SLC30A4: variants seen among roughly 807,000 people sequenced by gnomAD.
SLC30A4 encodes the protein probable proton-coupled zinc antiporter SLC30A4.
A neutral mutation model predicts 41.7 loss-of-function variants in SLC30A4; 20 were observed. That is an observed-to-expected ratio of 0.48 (90% CI 0.34 to 0.70). The LOEUF (loss-of-function observed/expected upper bound fraction) is 0.70. Ranked by LOEUF, SLC30A4 falls within the 30% of genes least tolerant of loss-of-function variation. The pLI is 0.01. For missense variants in SLC30A4, 441 were observed against 529.3 expected, an observed-to-expected ratio of 0.83 and a Z score of 1.64; for synonymous variants, 181 against 195.9, an observed-to-expected ratio of 0.92 and a Z score of 0.64.
intron 6 of SLC30A4, 52 bp from the exon 7 acceptor site, chr15:45,486,797 C>A (rs761737207): frequency 5.8e-6 from 6 of 1,042,780 alleles, no homozygotes; most frequent in Non-Finnish European, 8.1e-6. Flanking sequence ...AATAAAGGAA[C>A]TTTTACATTA....
At chr15:45,521,259 A>G (rs1242760345) in intron 2 of SLC30A4, among the ~76,000 whole-genome samples, 1 of 152,238 alleles carries the variant, frequency 6.6e-6, no homozygotes, top group African/African-American at 2.4e-5. Flanking sequence ...GATTGTTCGT[A>G]TAATTAAAAA....
At chr15:45,510,333 C>A (rs1892257810) in intron 3 of SLC30A4, among the ~76,000 whole-genome samples, 1 of 151,818 alleles carries the variant, frequency 6.6e-6, no homozygotes, top group South Asian at 2.1e-4. Flanking sequence ...TTTTTTTAGG[C>A]TAAAAAATAA....
At chr15:45,510,990 A>ACC (rs1892275365) in intron 3 of SLC30A4, 148 bp downstream of exon 3, 1 of 616,458 alleles carries the variant, frequency 1.6e-6, no homozygotes, top group Non-Finnish European at 2.8e-6. Flanking sequence ...ACCCTGGAAA[A>ACC]GATGTTTCTG....
At chr15:45,489,168 A>G in intron 4 of SLC30A4, 126 bp from the exon 5 acceptor site, 2 of 720,448 alleles carry the variant, frequency 2.8e-6, no homozygotes, top group Non-Finnish European at 4.6e-6. Flanking sequence ...ACTATTATTT[A>G]TCAGTACTGT....
chr15:45,514,361 CA>C (rs10595522), intron 2 of SLC30A4, among the ~76,000 whole-genome samples: 10,956 of 119,236 alleles, frequency 0.092, 627 homozygotes, highest in East Asian at 0.37. Flanking sequence ...AACTCTGTCT[CA>C]AAAAAAAAAA....
intron 2 of SLC30A4, among the ~76,000 whole-genome samples, chr15:45,511,510 G>C (rs1892290919): frequency 1.3e-5 from 2 of 151,638 alleles, no homozygotes; most frequent in South Asian, 4.2e-4. Flanking sequence ...TTGAGACAGA[G>C]TCTCACTCTG....
At chr15:45,500,291 T>C (rs1197611455) in intron 3 of SLC30A4, among the ~76,000 whole-genome samples, 16 of 152,210 alleles carry the variant, frequency 1.1e-4, no homozygotes, top group Non-Finnish European at 2.1e-4. Context: ...TGTTAGGTAC[T>C]TTATTTTCCT....
rs1227151299 is a variant in SLC30A4 at position 45,509,376 on chromosome 15, C to T, written c.538+1762G>A. 3.3e-5 allele frequency among the ~76,000 whole-genome samples: 5 copies of T among 151,710 alleles called. No individual in the cohort carries two copies. In the East Asian group the frequency reaches 7.8e-4, roughly 24 times the overall value. ...TCAAGCAGTTCTTCTGCCTCAGCTT[C>T]CTGAGTAGCTGGGATTACAGGCGTG... On this transcript the variant is annotated intron_variant, in intron 3 of 7. Coordinates refer to ENST00000261867, the MANE Select transcript of SLC30A4 (RefSeq NM_013309.6).
chr15:45,502,388 ATTTTT>A (rs1892054364), intron 3 of SLC30A4: 1 of 150,144 alleles, frequency 6.7e-6, no homozygotes, highest in Non-Finnish European at 1.5e-5. Flanking sequence ...CCCAGCCTAT[ATTTTT>A]TTATTTTTTT....
Position 45,488,901 on chromosome 15 carries a change from A to G in SLC30A4, c.834T>C (p.Ala278=). ...CAACACTCTGTACCAAATCTCCCAA[A>G]GCATGTACAAATGCAGCTCTCACTG... is the stretch of plus-strand genomic sequence containing the variant. ...SLAVRAAFVH[A]LGDLVQSVGV... The change falls in exon 5 of 8, where the codon GCT becomes GCC. Residue 278 remains alanine, a synonymous_variant. Transcript: ENST00000261867. 1 of 1,614,180 alleles carries G rather than the reference A, an allele frequency of 6.2e-7. No individual in the cohort carries two copies. Among genetic ancestry groups the G allele is most frequent in the Non-Finnish European group, 8.5e-7 (1 of 1,180,026 alleles).
chr15:45,507,342 AAAT>A lies in SLC30A4; in HGVS notation c.538+3793_538+3795del. Among the ~76,000 whole-genome samples, 2 of 150,534 alleles carry A rather than the reference AAAT, an allele frequency of 1.3e-5. 1 individual carries two copies. Among genetic ancestry groups the A allele is most frequent in the Middle Eastern group, 6.9e-3 (2 of 288 alleles). ...CTCAAAAATAAATAAATAAATAAAT[AAAT>A]AAATAAATAAATAATAAATTTCAGG... On this transcript the variant is annotated intron_variant, in intron 3 of 7. Coordinates refer to ENST00000261867, the MANE Select transcript of SLC30A4 (RefSeq NM_013309.6).
rs1891603719 is a variant in SLC30A4, at chr15:45,481,689, T to C, written c.*3474A>G. On this transcript the variant is annotated 3_prime_UTR_variant, in exon 8 of 8. Coordinates refer to ENST00000261867, the MANE Select transcript of SLC30A4 (RefSeq NM_013309.6). ...GAGAAGTGTAATGCATGGTTGTAGC[T>C]CAACAAGTGAAGGATAGACCAAACG... 1 of 152,192 alleles carries C rather than the reference T, an allele frequency of 6.6e-6. No homozygotes were observed. Among genetic ancestry groups the C allele is most frequent in the Non-Finnish European group, 1.5e-5 (1 of 68,046 alleles). 9.4% of individuals were successfully genotyped at this position (152,192 alleles called of 1,614,324 possible).
At chr15:45,502,326 C>T (rs2140832089) in intron 3 of SLC30A4, 1 of 152,332 alleles carries the variant, frequency 6.6e-6, no homozygotes, top group South Asian at 2.1e-4. Flanking sequence ...CTCAGGTGAT[C>T]CACTAGCCTC....
chr15:45,501,752 A>C (rs894391408), intron 3 of SLC30A4, among the ~76,000 whole-genome samples: 1 of 152,124 alleles, frequency 6.6e-6, no homozygotes, highest in East Asian at 1.9e-4. Flanking sequence ...CAAACTTCCT[A>C]CTATGGCCTC....
At chr15:45,518,113 T>C (rs2140861740) in intron 2 of SLC30A4, among the ~76,000 whole-genome samples, 1 of 152,368 alleles carries the variant, frequency 6.6e-6, no homozygotes, top group East Asian at 1.9e-4. Flanking sequence ...GCCTTCTTTC[T>C]AATTCCTTTC....
chr15:45,522,362 G>C lies in SLC30A4; in HGVS notation c.-8C>G, dbSNP rs202115324. On this transcript the variant is annotated 5_prime_UTR_variant, in exon 2 of 8. Transcript: ENST00000261867. ...CGCGCCAGAGCCGGCCATGGCAGAG[G>C]CTGAGCGGCCGCGGTGCGGAACGGC... The C allele has an allele frequency of 6.3e-7, 1 of 1,593,882 alleles. No individual in the cohort carries two copies. The highest frequency in any genetic ancestry group is 2.2e-5 in the East Asian group (1 of 44,648).
At chr15:45,519,095 G>A (rs1892586571) in intron 2 of SLC30A4, among the ~76,000 whole-genome samples, 1 of 151,724 alleles carries the variant, frequency 6.6e-6, no homozygotes, top group Non-Finnish European at 1.5e-5. Flanking sequence ...TGGCCAGGCT[G>A]CTCTCAAACT....
chr15:45,516,998 G>C (rs982869783), intron 2 of SLC30A4, among the ~76,000 whole-genome samples: 2 of 152,054 alleles, frequency 1.3e-5, no homozygotes, highest in African/African-American at 4.8e-5. Context: ...TCTTTACCTA[G>C]AAGTTTATAT....
intron 3 of SLC30A4, among the ~76,000 whole-genome samples, chr15:45,498,584 T>C (rs1441407323): frequency 6.6e-6 from 1 of 152,136 alleles, no homozygotes; most frequent in Non-Finnish European, 1.5e-5. Flanking sequence ...CTCCTACTTC[T>C]GCTTATTGCT....
Sources: allele counts gnomAD v4.1 joint callset (sites outside exome capture counted in the v4.1 genomes callset), GRCh38; gene constraint gnomAD v4.1.1; transcripts MANE v1.5; gene names NCBI Gene and HGNC (gene_info 2026-07-23, HGNC 2026-07-21).